The following MUC3A variants were observed in gnomAD, a reference collection of about 807,000 sequenced individuals.
MUC3A encodes the protein mucin-3A.
MUC3A carries 109 observed loss-of-function variants against 109.0 expected under a neutral mutation model. That is an observed-to-expected ratio of 1.00 (90% CI 0.86 to 1.17). The LOEUF is 1.17. MUC3A is among the 50% of genes most tolerant of loss of function. The pLI, the probability that MUC3A is intolerant of heterozygous loss-of-function variation, is 0.00. For missense variants in MUC3A, 3,537 were observed against 2,469.4 expected (o/e 1.43, Z -9.16); for synonymous variants, 1,398 against 981.4 (o/e 1.42, Z -7.93).
At chr7:100,964,386 G>C in intron 5 of MUC3A, 1 of 372,830 alleles carries the variant, frequency 2.7e-6, no homozygotes. Flanking sequence ...CTTTAGCCCA[G>C]GAGTTGGAGG....
At position 100,952,260 on chromosome 7, in the gene MUC3A, C is replaced by T. The variant is rs1262219815; in HGVS notation, c.481C>T (p.Pro161Ser). 1 of 1,598,508 alleles carries T rather than the reference C, an allele frequency of 6.3e-7. No homozygotes were observed. The highest frequency in any genetic ancestry group is 1.1e-5 in the South Asian group (1 of 91,092). The change falls in exon 2 of 12, where the codon CCC becomes TCC. Residue 161 changes from proline to serine, a missense_variant. Physicochemically the swap from Pro to Ser is moderately conservative, Grantham distance 74. Transcript: ENST00000379458. ...CTTCACCAGCTCTTACACCTCGACT[C>T]CCGTGACACAGAAGCCAGTGACCAC... is the stretch of plus-strand genomic sequence containing the variant. ...VAFTSSYTST[P>S]VTQKPVTTVT...
At position 100,965,802 on chromosome 7, in the gene MUC3A, G is replaced by A. The variant is rs1300620336; in HGVS notation, c.9547G>A (p.Val3183Met). The A allele has an allele frequency of 1.3e-6, 2 of 1,597,606 alleles. No homozygotes were observed. The highest frequency in any genetic ancestry group is 2.2e-5 in the East Asian group (1 of 44,874). ...LRCVTKCTSG[V>M]DNAIDCHQGQ... is the part of the protein sequence containing the mutation. Reference sequence around the variant, plus strand: ...CTGTGTCACCAAATGCACGTCGGGGGTGGACAACGCCATCGACTGTCACCA... The same window carrying A: ...CTGTGTCACCAAATGCACGTCGGGGATGGACAACGCCATCGACTGTCACCA... Residue 3183 changes from valine to methionine, a missense_variant, in exon 8 of 12, where the codon GTG becomes ATG. Val to Met is a conservative substitution (Grantham distance 21). Coordinates refer to ENST00000379458, the MANE Select transcript of MUC3A (RefSeq NM_005960.2).
Position 100,960,491 on chromosome 7 carries a change from G to A in MUC3A, c.8712G>A (p.Arg2904=), listed in dbSNP as rs752919614. The change falls in exon 2 of 12, where the codon AGG becomes AGA. Residue 2904 remains arginine (R), a synonymous_variant. Transcript: ENST00000379458. The stretch of plus-strand genomic sequence containing the variant: ...GCAGTAGCCTCCCGACCATCCTGAG[G>A]ACTTCAAGCAAGTCAACACACCCCT... ...KPSSSLPTIL[R]TSSKSTHPSP... is the part of the protein sequence containing the mutation. 16 of 1,598,632 alleles carry A rather than the reference G, an allele frequency of 1.0e-5. No homozygotes were observed. The East Asian group carries it at 3.3e-4, about 33-fold the overall frequency.
At position 100,957,414 on chromosome 7, in the gene MUC3A, C is replaced by T. The variant is rs1383809391; in HGVS notation, c.5635C>T (p.Leu1879Phe). 4.2e-6 allele frequency: 3 copies of T among 709,598 alleles called. No homozygotes were observed. The highest frequency in any genetic ancestry group is 6.0e-6 in the Non-Finnish European group (3 of 497,006). The allele number at this position is 709,598 out of a possible 1,614,324, so 44.0% of individuals were successfully genotyped here. A position where few individuals can be genotyped will look rare whatever the true frequency, so the allele number is the denominator to read the frequency against. The change falls in exon 2 of 12, where the codon CTC (leucine) becomes TTC (phenylalanine). Residue 1879 changes from leucine to phenylalanine, a missense_variant. By Grantham distance (22) the Leu-to-Phe change is conservative. Coordinates refer to ENST00000379458, the MANE Select transcript of MUC3A (RefSeq NM_005960.2). ...CTCTCTTCGACCCACCTCTTCCTCT[C>T]TCCTCACCACAGTAACAGCCACAGT... The part of the protein sequence containing the change: ...VTSLRPTSSS[L>F]LTTVTATVPT...
At position 100,959,727 on chromosome 7, in the gene MUC3A, A is replaced by T. The variant is rs757981593; in HGVS notation, c.7948A>T (p.Thr2650Ser). 1 of 1,598,538 alleles carries T rather than the reference A, an allele frequency of 6.3e-7. No individual in the cohort carries two copies. The highest frequency in any genetic ancestry group is 8.5e-7 in the Non-Finnish European group (1 of 1,179,822). Residue 2650 changes from threonine to serine, a missense_variant, in exon 2 of 12, where the codon ACT becomes TCT. Physicochemically the swap from Thr to Ser is moderately conservative, Grantham distance 58 (BLOSUM62 1). Coordinates refer to ENST00000379458, the MANE Select transcript of MUC3A (RefSeq NM_005960.2). ...AACTCCTTCTACTCCCTCATTGCAAACTTCACTCACATCTACAAGTGAGTT... is the reference window on the plus strand; with the variant it reads ...AACTCCTTCTACTCCCTCATTGCAATCTTCACTCACATCTACAAGTGAGTT... ...QTTPSTPSLQTSLTSTSEFTT... is the reference protein window; with the variant it reads ...QTTPSTPSLQSSLTSTSEFTT...
chr7:100,949,739 A>G (rs1791881520), intron 1 of MUC3A, 54 bp downstream of exon 1: 2 of 1,443,278 alleles, frequency 1.4e-6, no homozygotes, highest in African/African-American at 1.4e-5. Context: ...GTGATGTTCC[A>G]GGAAAGGGGA....
In MUC3A at chr7:100,964,806, C is replaced by A. The variant is rs375190082; in HGVS notation, c.9345C>A (p.Asn3115Lys). 9 of 1,598,198 alleles carry A rather than the reference C, an allele frequency of 5.6e-6. No individual in the cohort carries two copies. Among genetic ancestry groups the A allele is most frequent in the Non-Finnish European group, 6.8e-6 (8 of 1,179,564 alleles). The change falls in exon 6 of 12, where the codon AAC becomes AAA. Residue 3115 changes from asparagine (N) to lysine (K), a missense_variant. By Grantham distance (94) the Asn-to-Lys change is moderately conservative. Transcript: ENST00000379458. ...VKTTLKEGLQ[N>K]ASQDVNSCQD... is the part of the protein sequence containing the mutation. ...CCACGCTGAAGGAGGGGCTGCAGAA[C>A]GCCAGCCAGGATGTGAACAGCTGCC...
In MUC3A at chr7:100,952,555, T is replaced by A; in HGVS notation, c.776T>A (p.Ile259Asn). 1 of 1,598,464 alleles carries A rather than the reference T, an allele frequency of 6.3e-7. No individual in the cohort carries two copies. The highest frequency in any genetic ancestry group is 8.5e-7 in the Non-Finnish European group (1 of 1,179,746). ...ACAGCAGTGACTTCCACTTCCCCCA[T>A]CACTTCTTCAATCACTTCCACAAAT... ...LKTAVTSTSPITSSITSTNTV... is the reference protein window; with the variant it reads ...LKTAVTSTSPNTSSITSTNTV... Residue 259 changes from isoleucine to asparagine, a missense_variant, in exon 2 of 12, where the codon ATC becomes AAC. Physicochemically the swap from Ile to Asn is moderately radical, Grantham distance 149. Coordinates refer to ENST00000379458, the MANE Select transcript of MUC3A (RefSeq NM_005960.2).
chr7:100,965,725 C>A lies in MUC3A; in HGVS notation c.9470C>A (p.Pro3157His), dbSNP rs750092748. 5 of 1,597,794 alleles carry A rather than the reference C, an allele frequency of 3.1e-6. No individual in the cohort carries two copies. In the African/African-American group the frequency reaches 6.7e-5, roughly 21 times the overall value. Residue 3157 changes from proline (P) to histidine (H), a missense_variant, in exon 8 of 12, where the codon CCC becomes CAC. Transcript: ENST00000379458. ...TPAAICRRAA[P>H]TGYEEFYFPL... is the part of the protein sequence containing the mutation. The stretch of plus-strand genomic sequence containing the variant: ...CCAGCCATCTGCCGCCGCGCCGCTC[C>A]CACGGGCTATGAAGAGTTCTACTTC...
chr7:100,960,858 G>C lies in MUC3A; in HGVS notation c.8973G>C (p.Gln2991His), dbSNP rs1249196993. ...AGACCAGATGCCAGAATGGGGGTCA[G>C]TGGGATGGCCTCAAATGCCAGTGCC... ...QLQTRCQNGG[Q>H]WDGLKCQCPS... The change falls in exon 3 of 12, where the codon CAG becomes CAC. Residue 2991 changes from glutamine to histidine, a missense_variant. Gln to His is a conservative substitution (Grantham distance 24, BLOSUM62 0). Coordinates refer to ENST00000379458, the MANE Select transcript of MUC3A (RefSeq NM_005960.2). 3 of 1,598,424 alleles carry C rather than the reference G, an allele frequency of 1.9e-6. No individual in the cohort carries two copies. Among genetic ancestry groups the C allele is most frequent in the African/African-American group, 1.3e-5 (1 of 74,964 alleles).
rs761502362 is a variant in MUC3A, at chr7:100,959,461, C to A, written c.7682C>A (p.Thr2561Asn). ...VRMTLRITENTPISSFSTSIV... is the reference protein window; with the variant it reads ...VRMTLRITENNPISSFSTSIV... ...ATGACCCTCAGAATTACTGAGAACA[C>A]CCCAATCAGTTCCTTTAGCACAAGT... Residue 2561 changes from threonine to asparagine, a missense_variant, in exon 2 of 12, where the codon ACC becomes AAC. Thr to Asn is a moderately conservative substitution (Grantham distance 65). Coordinates refer to ENST00000379458, the MANE Select transcript of MUC3A (RefSeq NM_005960.2). 1.3e-6 allele frequency: 2 copies of A among 1,569,994 alleles called. No homozygotes were observed. Among genetic ancestry groups the A allele is most frequent in the South Asian group, 2.4e-5 (2 of 84,054 alleles).
chr7:100,954,595 C>A lies in MUC3A; in HGVS notation c.2816C>A (p.Thr939Lys). 1 of 400,978 alleles carries A rather than the reference C, an allele frequency of 2.5e-6. No homozygotes were observed. The highest frequency in any genetic ancestry group is 4.4e-6 in the Non-Finnish European group (1 of 227,816). 24.8% of individuals were successfully genotyped at this position (400,978 alleles called of 1,614,324 possible). The part of the protein sequence containing the change: ...SPRGTTSTLH[T>K]TVESTPSPTT... ...CGAGGCACCACCAGTACACTCCACA[C>A]AACAGTTGAATCCACCCCATCACCC... The change falls in exon 2 of 12, where the codon ACA (threonine) becomes AAA (lysine). Residue 939 changes from threonine to lysine, a missense_variant. Transcript: ENST00000379458.
At position 100,955,613 on chromosome 7, in the gene MUC3A, G is replaced by T. The variant is rs1411513900; in HGVS notation, c.3834G>T (p.Leu1278=). The change falls in exon 2 of 12, where the codon CTG becomes CTT. Residue 1278 remains leucine, a synonymous_variant. Transcript: ENST00000379458. ...ACAGCACTCTAACAAGTTCCCTCCT[G>T]ACGACCTTCCCAAGTACATATTCAT... ...STDSTLTSSL[L]TTFPSTYSFS... 2 of 395,764 alleles carry T rather than the reference G, an allele frequency of 5.1e-6. No homozygotes were observed. Among genetic ancestry groups the T allele is most frequent in the Non-Finnish European group, 8.7e-6 (2 of 229,968 alleles). 24.5% of individuals were successfully genotyped at this position (395,764 alleles called of 1,614,324 possible).
chr7:100,966,793 T>G (rs760523316), intron 10 of MUC3A, 50 bp downstream of exon 10: 1 of 1,598,324 alleles, frequency 6.3e-7, no homozygotes, highest in African/African-American at 1.3e-5. Flanking sequence ...TGGGCACCAC[T>G]GCGAGGACAG....
At chr7:100,963,081 G>A in intron 3 of MUC3A, 70 bp from the exon 4 acceptor site, 1 of 1,532,488 alleles carries the variant, frequency 6.5e-7, no homozygotes, top group South Asian at 1.2e-5. Context: ...TGTGGGTTGG[G>A]GTGGTGGTGT....
Position 100,960,764 on chromosome 7 carries a change from A to AT in MUC3A, c.8880dup (p.Gly2961TrpfsTer49). The AT allele has an allele frequency of 6.3e-7, 1 of 1,597,438 alleles. No individual in the cohort carries two copies. The highest frequency in any genetic ancestry group is 8.5e-7 in the Non-Finnish European group (1 of 1,179,252). The stretch of plus-strand genomic sequence containing the variant: ...CTGTGTTTTCCAGGCACCTGTGACA[A>AT]TGGTGGCACCTGGGAACAGGGCCAG... On this transcript the variant is annotated frameshift_variant, in exon 3 of 12. Transcript: ENST00000379458. LOFTEE classifies it high-confidence loss of function.
chr7:100,963,635 T>TCCCCTC, intron 4 of MUC3A, 53 bp from the exon 5 acceptor site: 1 of 1,598,134 alleles, frequency 6.3e-7, no homozygotes, highest in Non-Finnish European at 8.5e-7. Flanking sequence ...GGCGTCTGGG[T>TCCCCTC]CCCCTCAGGT....
At chr7:100,965,496 T>C in intron 7 of MUC3A, 149 bp downstream of exon 7, 1 of 1,443,936 alleles carries the variant, frequency 6.9e-7, no homozygotes, top group Middle Eastern at 1.8e-4. Context: ...CGCTGGTTAG[T>C]GGCTTCCACC....
chr7:100,965,821 G>A lies in MUC3A; in HGVS notation c.9566G>A (p.Cys3189Tyr), dbSNP rs1563076164. Residue 3189 changes from cysteine to tyrosine, a missense_variant, in exon 8 of 12, where the codon TGT becomes TAT. Transcript: ENST00000379458. ...CTSGVDNAID[C>Y]HQGQCVLETS... is the part of the protein sequence containing the mutation. ...TCGGGGGTGGACAACGCCATCGACT[G>A]TCACCAGGGCCAGTGCGTTCTGGAG... The A allele has an allele frequency of 6.3e-7, 1 of 1,597,434 alleles. No individual in the cohort carries two copies. Among genetic ancestry groups the A allele is most frequent in the African/African-American group, 1.3e-5 (1 of 75,044 alleles).
Sources: gnomAD v4.1 joint callset for allele counts on GRCh38, gnomAD v4.1.1 for gene constraint, MANE v1.5 for transcripts, NCBI Gene and HGNC (gene_info 2026-07-23, HGNC 2026-07-21) for gene names.